Variants in CDH8 observed in about 807,000 individuals in gnomAD.
The protein encoded by CDH8 is cadherin-8.
Under a neutral mutation model 68.1 loss-of-function variants are expected in CDH8, and 17 were observed. The ratio of observed to expected loss-of-function variants is 0.25; its 90% CI spans 0.17 to 0.37. The LOEUF is 0.37. Among genes scored for constraint, CDH8 ranks in the 10% least tolerant of loss-of-function variants. The pLI is 1.00. For missense variants in CDH8, 763 were observed against 999.3 expected (o/e 0.76, Z 3.19); for synonymous variants, 372 against 365.1 (o/e 1.02, Z -0.21).
intron 10 of CDH8, among the ~76,000 whole-genome samples, chr16:61,711,401 A>G (rs1426578554): frequency 1.3e-5 from 2 of 151,910 alleles, no homozygotes; most frequent in Non-Finnish European, 3.0e-5. Context: ...AGCTCTCTCA[A>G]CATTTTAACA....
At chr16:61,703,167 A>G (rs1379761830) in intron 10 of CDH8, among the ~76,000 whole-genome samples, 1 of 152,196 alleles carries the variant, frequency 6.6e-6, no homozygotes, top group African/African-American at 2.4e-5. Flanking sequence ...TTATGTTTCT[A>G]TGGAATGTAA....
At chr16:61,700,670 T>TA (rs1964411237) in intron 10 of CDH8, among the ~76,000 whole-genome samples, 1 of 152,180 alleles carries the variant, frequency 6.6e-6, no homozygotes, top group Non-Finnish European at 1.5e-5. Flanking sequence ...ATTTCTCACT[T>TA]ATATGTAGAA....
At chr16:61,845,053 A>G (rs1962775053) in intron 4 of CDH8, among the ~76,000 whole-genome samples, 3 of 152,262 alleles carry the variant, frequency 2.0e-5, no homozygotes, top group South Asian at 4.1e-4. Flanking sequence ...CCCATTTGGT[A>G]AAGGAAAAAC....
At position 61,960,314 on chromosome 16, in the gene CDH8, T is replaced by TATATACGTGTGTGTGTATACACAC. The variant is rs1965118805; in HGVS notation, c.253-58865_253-58842dup. On this transcript the variant is annotated intron_variant, in intron 2 of 11. Transcript: ENST00000577390. ...ATATACGTGTGTGTGTATACACACA[T>TATATACGTGTGTGTGTATACACAC]ATATACGTGTGTGTGTATACACACA... Among the ~76,000 whole-genome samples the TATATACGTGTGTGTGTATACACAC allele has an allele frequency of 2.1e-5, 2 of 96,072 alleles. 1 individual carries two copies. 63.0% of individuals were successfully genotyped at this position (96,072 alleles called of 152,430 possible). A position where few individuals can be genotyped will look rare whatever the true frequency, so the allele number is the denominator to read the frequency against.
At chr16:61,752,323 T>C (rs1960188884) in intron 8 of CDH8, among the ~76,000 whole-genome samples, 1 of 152,196 alleles carries the variant, frequency 6.6e-6, no homozygotes, top group Non-Finnish European at 1.5e-5. Context: ...CACAGATTTC[T>C]GGATGATTAG....
chr16:61,873,467 G>A (rs1159534266), intron 3 of CDH8, among the ~76,000 whole-genome samples: 1 of 152,080 alleles, frequency 6.6e-6, no homozygotes, highest in Non-Finnish European at 1.5e-5. Flanking sequence ...ACATCAACTT[G>A]TAATAATTAA....
chr16:61,867,208 T>C (rs1389571630), intron 3 of CDH8, among the ~76,000 whole-genome samples: 1 of 152,182 alleles, frequency 6.6e-6, no homozygotes, highest in Non-Finnish European at 1.5e-5. Context: ...ACACGAAATA[T>C]AATATCCTAT....
chr16:62,003,175 T>C (rs1439175938), intron 2 of CDH8, among the ~76,000 whole-genome samples: 2 of 152,228 alleles, frequency 1.3e-5, no homozygotes, highest in Non-Finnish European at 2.9e-5. Flanking sequence ...GGTGGGCATG[T>C]AACATGCTTA....
intron 2 of CDH8, among the ~76,000 whole-genome samples, chr16:61,990,117 A>G (rs567812650): frequency 1.1e-4 from 17 of 152,248 alleles, no homozygotes; most frequent in African/African-American, 4.1e-4. Context: ...GCAGATAAAG[A>G]AACAAAAATA....
chr16:61,841,581 A>G (rs1319042685), intron 4 of CDH8, among the ~76,000 whole-genome samples: 1 of 152,190 alleles, frequency 6.6e-6, no homozygotes, highest in South Asian at 2.1e-4. Context: ...AATTGAAAAA[A>G]TAAGTAAGAC....
At chr16:61,962,192 C>T (rs142567254) in intron 2 of CDH8, among the ~76,000 whole-genome samples, 4 of 152,118 alleles carry the variant, frequency 2.6e-5, no homozygotes, top group African/African-American at 4.8e-5. Flanking sequence ...GTCTTGCTGT[C>T]GCAGAAGTGG....
intron 3 of CDH8, among the ~76,000 whole-genome samples, chr16:61,864,424 G>A (rs1029024810): frequency 6.6e-6 from 1 of 152,016 alleles, no homozygotes; most frequent in African/African-American, 2.4e-5. Context: ...ATGTGCTGAA[G>A]GAAAAAGCTG....
intron 10 of CDH8, among the ~76,000 whole-genome samples, chr16:61,686,005 G>T (rs1827733468): frequency 2.0e-5 from 3 of 151,898 alleles, no homozygotes; most frequent in African/African-American, 2.4e-5. Flanking sequence ...TCAGGCTTTG[G>T]TGTTTACAGA....
intron 3 of CDH8, among the ~76,000 whole-genome samples, chr16:61,875,544 G>A (rs558123765): frequency 3.9e-5 from 6 of 152,208 alleles, no homozygotes; most frequent in South Asian, 4.1e-4. Flanking sequence ...AAGAAGCCAC[G>A]AATATAATGT....
Position 61,707,560 on chromosome 16 carries a change from T to G in CDH8, c.1654+6281A>C, listed in dbSNP as rs1299630915. ...CCTGCTTTTTTGTTGCCAAATTATT[T>G]TCCTGCCTTCTCTATCTACTTCTTC... is the stretch of plus-strand genomic sequence containing the variant. On this transcript the variant is annotated intron_variant, in intron 10 of 11. Transcript: ENST00000577390. Among the ~76,000 whole-genome samples the G allele has an allele frequency of 2.0e-5, 3 of 152,180 alleles. No individual in the cohort carries two copies. In the South Asian group the frequency reaches 6.2e-4, roughly 31 times the overall value.
chr16:61,978,822 G>A (rs914436390), intron 2 of CDH8, among the ~76,000 whole-genome samples: 1 of 152,116 alleles, frequency 6.6e-6, no homozygotes, highest in Admixed American at 6.6e-5. Flanking sequence ...TTGACAAGGG[G>A]AAATTGCATT....
intron 10 of CDH8, among the ~76,000 whole-genome samples, chr16:61,663,611 T>C (rs866876356): frequency 2.6e-4 from 39 of 152,114 alleles, no homozygotes; most frequent in African/African-American, 9.1e-4. Context: ...AACCCACTTC[T>C]ATTTGGAATG....
Position 61,964,006 on chromosome 16 carries a change from G to C in CDH8, c.252+57146C>G, listed in dbSNP as rs112006132. Among the ~76,000 whole-genome samples, 463 of 152,226 alleles carry C rather than the reference G, an allele frequency of 3.0e-3. 7 individuals are homozygous for C. The highest frequency in any genetic ancestry group is 0.01 in the African/African-American group (426 of 41,536). On this transcript the variant is annotated intron_variant, in intron 2 of 11. Transcript: ENST00000577390. ...ACACAGACTTAGGGGCTAAAATACA[G>C]TAAGTCTTCACTTAATATCCTCAAA...
chr16:61,982,199 T>G (rs1965544195), intron 2 of CDH8, among the ~76,000 whole-genome samples: 1 of 152,156 alleles, frequency 6.6e-6, no homozygotes, highest in Admixed American at 6.5e-5. Context: ...TTCTCTACTC[T>G]TTAGCTGTGA....
Sources: allele counts gnomAD v4.1 joint callset (sites outside exome capture counted in the v4.1 genomes callset), GRCh38; gene constraint gnomAD v4.1.1; transcripts MANE v1.5; gene names NCBI Gene and HGNC (gene_info 2026-07-23, HGNC 2026-07-21).